OSBPL3: variants seen among roughly 807,000 people sequenced by gnomAD.
The protein encoded by OSBPL3 is oxysterol binding protein like 3, also known as oxysterol-binding protein-related protein 3.
Under a neutral mutation model 120.1 loss-of-function variants are expected in OSBPL3, and 65 were observed. The ratio of observed to expected loss-of-function variants is 0.54; its 90% CI spans 0.44 to 0.67. OSBPL3 has a LOEUF of 0.67. Ranked by LOEUF, OSBPL3 falls within the 30% of genes least tolerant of loss-of-function variation. The pLI, the probability that OSBPL3 is intolerant of heterozygous loss-of-function variation, is 0.00. For missense variants in OSBPL3, 1,004 were observed against 1,082.1 expected, an observed-to-expected ratio of 0.93 and a Z score of 1.01; for synonymous variants, 416 against 402.6, an observed-to-expected ratio of 1.03 and a Z score of -0.40.
At chr7:24,958,456 A>G (rs757017090) in intron 1 of OSBPL3, among the ~76,000 whole-genome samples, 1 of 152,134 alleles carries the variant, frequency 6.6e-6, no homozygotes, top group Admixed American at 6.5e-5. Context: ...CTATTCTCCA[A>G]ATGGGCTACA....
At chr7:24,902,300 A>G (rs1807143320) in intron 1 of OSBPL3, among the ~76,000 whole-genome samples, 1 of 152,244 alleles carries the variant, frequency 6.6e-6, no homozygotes, top group Admixed American at 6.5e-5. Flanking sequence ...ACTATCATCC[A>G]AAATTCACAG....
At chr7:24,893,142 G>C (rs1387476594) in intron 1 of OSBPL3, among the ~76,000 whole-genome samples, 5 of 152,082 alleles carry the variant, frequency 3.3e-5, no homozygotes, top group Admixed American at 3.3e-4. Flanking sequence ...CAAAAGAAGT[G>C]AAAACAGGTG....
At position 24,964,930 on chromosome 7, in the gene OSBPL3, G is replaced by A. The variant is rs895412223; in HGVS notation, c.-150+14956C>T. Among the ~76,000 whole-genome samples, 2 of 152,178 alleles carry A rather than the reference G, an allele frequency of 1.3e-5. No individual in the cohort carries two copies. The highest frequency in any genetic ancestry group is 4.1e-4 in the South Asian group (2 of 4,832). On this transcript the variant is annotated intron_variant, in intron 1 of 22. Transcript: ENST00000313367. This position sits in a 1 kb window ranked among gnomAD's most constrained non-coding sequence, Gnocchi z 4.2. ...CAATACCTAAGCAGATGATCTCTAA[G>A]CTTTTTACTAGCTTTAAAGGCAATG...
chr7:24,843,657 T>C (rs1292833764), intron 12 of OSBPL3, among the ~76,000 whole-genome samples: 3 of 152,202 alleles, frequency 2.0e-5, no homozygotes, highest in Non-Finnish European at 4.4e-5. Context: ...ATCCCTTTCC[T>C]AAATAAGGCA....
chr7:24,919,493 C>T (rs1416735057), intron 1 of OSBPL3, among the ~76,000 whole-genome samples: 1 of 152,040 alleles, frequency 6.6e-6, no homozygotes, highest in African/African-American at 2.4e-5. Flanking sequence ...CTACCTCACA[C>T]TATATACAAA....
chr7:24,951,546 C>G (rs1216294348), intron 1 of OSBPL3, among the ~76,000 whole-genome samples: 2 of 152,166 alleles, frequency 1.3e-5, no homozygotes, highest in African/African-American at 2.4e-5. Flanking sequence ...AGCCAGAAGA[C>G]TATTAGTATT....
intron 14 of OSBPL3, among the ~76,000 whole-genome samples, chr7:24,837,410 C>A (rs774943100): frequency 6.6e-6 from 1 of 151,942 alleles, no homozygotes; most frequent in South Asian, 2.1e-4. Context: ...TGCTATGTTG[C>A]GCAGGCTGGT....
chr7:24,973,411 G>C (rs535148346), intron 1 of OSBPL3, among the ~76,000 whole-genome samples: 3 of 152,264 alleles, frequency 2.0e-5, no homozygotes, highest in Admixed American at 6.5e-5. Flanking sequence ...GGGTCTTGGA[G>C]CATCTAGAAA....
chr7:24,967,304 C>T lies in OSBPL3; in HGVS notation c.-150+12582G>A, dbSNP rs1197254017. Among the ~76,000 whole-genome samples the T allele has an allele frequency of 2.6e-5, 4 of 152,284 alleles. No individual in the cohort carries two copies. In the East Asian group the frequency reaches 7.7e-4, roughly 29 times the overall value. ...TAGCCATGCACCACCCTTGGGTTCC[C>T]ATGAATTCTTACCCTACAGCTGCAA... is the stretch of plus-strand genomic sequence containing the variant. On this transcript the variant is annotated intron_variant, in intron 1 of 22. Transcript: ENST00000313367. This position sits in a 1 kb window ranked among gnomAD's most constrained non-coding sequence, Gnocchi z 5.6.
In OSBPL3 at chr7:24,883,184, G is replaced by T. The variant is rs1164285582; in HGVS notation, c.96+9193C>A. Among the ~76,000 whole-genome samples the T allele has an allele frequency of 2.6e-5, 4 of 152,310 alleles. No individual in the cohort carries two copies. The highest frequency in any genetic ancestry group is 9.6e-5 in the African/African-American group (4 of 41,556). On this transcript the variant is annotated intron_variant, in intron 2 of 22. Coordinates refer to ENST00000313367, the MANE Select transcript of OSBPL3 (RefSeq NM_015550.4). The surrounding 1 kb of genome is among the most constrained non-coding windows in gnomAD (Gnocchi z 5.4). ...GTGATTCATCTGAAGTAGGAACAGA[G>T]AGGAGGTGATTTAGGGTGATGTGGG...
At position 24,827,165 on chromosome 7, in the gene OSBPL3, A is replaced by G. The variant is rs1292253427; in HGVS notation, c.1884+3603T>C. On this transcript the variant is annotated intron_variant, in intron 16 of 22. Coordinates refer to ENST00000313367, the MANE Select transcript of OSBPL3 (RefSeq NM_015550.4). This position sits in a 1 kb window ranked among gnomAD's most constrained non-coding sequence, Gnocchi z 5.1. ...TCATCCAGAAACCTGTACTCATTGT[A>G]GAGAGGCACAAGAAAACAAACCTCT... Among the ~76,000 whole-genome samples, 1 of 152,234 alleles carries G rather than the reference A, an allele frequency of 6.6e-6. No individual in the cohort carries two copies. Among genetic ancestry groups the G allele is most frequent in the Non-Finnish European group, 1.5e-5 (1 of 68,038 alleles).
Position 24,900,430 on chromosome 7 carries a change from A to G in OSBPL3, c.-149-7809T>C, listed in dbSNP as rs1562903644. 6.6e-6 allele frequency among the ~76,000 whole-genome samples: 1 copy of G among 152,358 alleles called. No homozygotes were observed. The stretch of plus-strand genomic sequence containing the variant: ...GCCTACGGTAAAATTAGCTTCGTAT[A>G]TATCGTTTCACTTGAAGTCACAGTT... On this transcript the variant is annotated intron_variant, in intron 1 of 22. Transcript: ENST00000313367. This position sits in a 1 kb window ranked among gnomAD's most constrained non-coding sequence, Gnocchi z 4.5.
Position 24,946,939 on chromosome 7 carries a change from T to C in OSBPL3, c.-150+32947A>G, listed in dbSNP as rs1813802509. Among the ~76,000 whole-genome samples the C allele has an allele frequency of 6.6e-6, 1 of 152,238 alleles. No homozygotes were observed. The highest frequency in any genetic ancestry group is 2.4e-5 in the African/African-American group (1 of 41,460). On this transcript the variant is annotated intron_variant, in intron 1 of 22. Transcript: ENST00000313367. The surrounding 1 kb of genome is among the most constrained non-coding windows in gnomAD (Gnocchi z 4.3). The stretch of plus-strand genomic sequence containing the variant: ...CACTCATCAGGAATCCAATAAAGGT[T>C]TGCTGTTTGGCTTGTGCTCAAAACG...
Position 24,804,297 on chromosome 7 carries a change from C to T in OSBPL3, c.2567+18G>A, listed in dbSNP as rs1792752329. The T allele has an allele frequency of 1.2e-6, 2 of 1,614,096 alleles. No homozygotes were observed. The highest frequency in any genetic ancestry group is 1.7e-6 in the Non-Finnish European group (2 of 1,179,982). On this transcript the variant is annotated intron_variant, in intron 22 of 22. Transcript: ENST00000313367. The surrounding 1 kb of genome is among the most constrained non-coding windows in gnomAD (Gnocchi z 5.4). ...GCACCACCTATCAACCAAAAACCTA[C>T]TCAATCCAGGCACGAACCTGAAAAA...
In OSBPL3 at chr7:24,938,834, T is replaced by TGTGTGTGTGTGTG. The variant is rs1584680519; in HGVS notation, c.-150+41051_-150+41052insCACACACACACAC. On this transcript the variant is annotated intron_variant, in intron 1 of 22. Coordinates refer to ENST00000313367, the MANE Select transcript of OSBPL3 (RefSeq NM_015550.4). The surrounding 1 kb of genome is among the most constrained non-coding windows in gnomAD (Gnocchi z 5.8). ...GTGTGTGTGTGTGTGTGTGTGTGTGTTTTGAGAGCAAAACTAATGTGGCCA... is the reference window on the plus strand; with the variant it reads ...GTGTGTGTGTGTGTGTGTGTGTGTGTGTGTGTGTGTGTGTTTGAGAGCAAAACTAATGTGGCCA... 1.4e-5 allele frequency among the ~76,000 whole-genome samples: 2 copies of TGTGTGTGTGTGTG among 143,074 alleles called. No homozygotes were observed. Among genetic ancestry groups the TGTGTGTGTGTGTG allele is most frequent in the East Asian group, 2.0e-4 (1 of 4,880 alleles). 93.9% of individuals were successfully genotyped at this position (143,074 alleles called of 152,430 possible).
chr7:24,895,288 T>C (rs761017716), intron 1 of OSBPL3, among the ~76,000 whole-genome samples: 4 of 152,238 alleles, frequency 2.6e-5, no homozygotes, highest in Non-Finnish European at 5.9e-5. Flanking sequence ...CTGTACTTTC[T>C]CTGTGTTTAG....
chr7:24,934,713 G>A (rs1812185342), intron 1 of OSBPL3, among the ~76,000 whole-genome samples: 1 of 152,014 alleles, frequency 6.6e-6, no homozygotes, highest in Non-Finnish European at 1.5e-5. Flanking sequence ...GATCTTTTCT[G>A]GAAATATTTC....
intron 16 of OSBPL3, among the ~76,000 whole-genome samples, chr7:24,826,468 TG>T (rs1795724222): frequency 6.6e-6 from 1 of 152,156 alleles, no homozygotes; most frequent in East Asian, 1.9e-4. Context: ...CACAAAGGGC[TG>T]CTTTGTGTAT....
At chr7:24,902,633 C>T (rs919520823) in intron 1 of OSBPL3, among the ~76,000 whole-genome samples, 3 of 151,098 alleles carry the variant, frequency 2.0e-5, no homozygotes, top group African/African-American at 4.9e-5. Context: ...TCAAAACGGC[C>T]ACACCAACTT....
Sources: gnomAD v4.1 joint callset for allele counts (sites outside exome capture counted in the v4.1 genomes callset) on GRCh38, gnomAD v4.1.1 for gene constraint, Gnocchi (gnomAD v3.1) non-coding constraint, MANE v1.5 for transcripts, NCBI Gene and HGNC (gene_info 2026-07-23, HGNC 2026-07-21) for gene names.